The following CWC22 variants were observed in gnomAD, a reference collection of about 807,000 sequenced individuals.
CWC22 encodes the protein CWC22 spliceosome associated protein.
Under a neutral mutation model 117.2 loss-of-function variants are expected in CWC22, and 53 were observed. The ratio of observed to expected loss-of-function variants is 0.45; its 90% CI spans 0.36 to 0.57. The LOEUF is 0.57. Ranked by LOEUF, CWC22 falls within the 20% of genes least tolerant of loss-of-function variation. CWC22 has a pLI of 0.00. For synonymous variants in CWC22, 360 were observed against 355.6 expected (o/e 1.01, Z -0.14); for missense variants, 980 against 1,068.8 (o/e 0.92, Z 1.16).
chr2:179,996,500 C>T (rs934723565), intron 1 of CWC22, among the ~76,000 whole-genome samples: 22 of 152,018 alleles, frequency 1.4e-4, no homozygotes, highest in Non-Finnish European at 7.4e-5. Context: ...AAAAAAACAA[C>T]ATATTATATA....
At chr2:179,994,303 T>A (rs932625491) in intron 1 of CWC22, among the ~76,000 whole-genome samples, 1 of 149,986 alleles carries the variant, frequency 6.7e-6, no homozygotes, top group Non-Finnish European at 1.5e-5. Context: ...AATAACTGAA[T>A]ACAACTGGAA....
intron 5 of CWC22, among the ~76,000 whole-genome samples, chr2:179,978,535 C>T (rs1007492310): frequency 1.3e-5 from 2 of 151,948 alleles, no homozygotes; most frequent in Non-Finnish European, 2.9e-5. Context: ...CACCATTTTT[C>T]TTTAATAATA....
chr2:179,969,743 A>C (rs1686983465), intron 11 of CWC22, among the ~76,000 whole-genome samples: 2 of 152,226 alleles, frequency 1.3e-5, no homozygotes, highest in Non-Finnish European at 2.9e-5. Context: ...ATACTTCTCC[A>C]GTAAAATTAC....
chr2:179,986,909 C>A (rs773178880), intron 3 of CWC22, 104 bp from the exon 4 acceptor site: 4 of 557,104 alleles, frequency 7.2e-6, no homozygotes, highest in Non-Finnish European at 1.2e-5. Context: ...TATGACTGAA[C>A]AACATCGTGT....
intron 13 of CWC22, among the ~76,000 whole-genome samples, chr2:179,962,164 T>G (rs1686768422): frequency 6.6e-6 from 1 of 152,140 alleles, no homozygotes. Flanking sequence ...TAGTTTAATG[T>G]TTTATGCATA....
intron 3 of CWC22, among the ~76,000 whole-genome samples, 171 bp downstream of exon 3, chr2:179,988,406 T>C (rs1292015902): frequency 6.6e-6 from 1 of 152,228 alleles, no homozygotes; most frequent in East Asian, 1.9e-4. Context: ...TAGAAACTCC[T>C]AGAAGAGTCA....
chr2:179,994,858 A>G (rs780269225), intron 1 of CWC22, among the ~76,000 whole-genome samples: 2 of 152,082 alleles, frequency 1.3e-5, no homozygotes, highest in Non-Finnish European at 2.9e-5. Context: ...TATCTTTTTA[A>G]AGTTTATCAG....
intron 7 of CWC22, 93 bp downstream of exon 7, chr2:179,973,541 G>C: frequency 2.5e-6 from 2 of 796,324 alleles, no homozygotes; most frequent in South Asian, 3.8e-5. Flanking sequence ...ATGTTATGTA[G>C]CTGTGTCAAA....
At chr2:179,971,194 G>A (rs1489626113) in intron 8 of CWC22, 118 bp from the exon 9 acceptor site, 2 of 654,438 alleles carry the variant, frequency 3.1e-6, no homozygotes, top group Non-Finnish European at 4.7e-6. Context: ...ACATATGATG[G>A]GCAAAGTTTT....
At chr2:179,949,440 G>A (rs537227533) in intron 19 of CWC22, among the ~76,000 whole-genome samples, 1 of 152,294 alleles carries the variant, frequency 6.6e-6, no homozygotes, top group East Asian at 1.9e-4. Context: ...AACTTCTCTA[G>A]TTGAAATGCA....
intron 17 of CWC22, among the ~76,000 whole-genome samples, chr2:179,951,719 GA>G (rs1297554462): frequency 6.6e-6 from 1 of 152,024 alleles, no homozygotes; most frequent in Non-Finnish European, 1.5e-5. Flanking sequence ...AGTAGACAGG[GA>G]CCAAATAAGT....
At chr2:179,960,120 A>C (rs1039257692) in intron 13 of CWC22, among the ~76,000 whole-genome samples, 3 of 152,088 alleles carry the variant, frequency 2.0e-5, no homozygotes, top group Non-Finnish European at 4.4e-5. Context: ...TGGTCACTCA[A>C]ATATGACGGT....
chr2:179,992,786 T>C (rs1687600871), intron 2 of CWC22, among the ~76,000 whole-genome samples: 1 of 152,190 alleles, frequency 6.6e-6, no homozygotes, highest in African/African-American at 2.4e-5. Flanking sequence ...CAACCATCAC[T>C]AGAACTCAAT....
intron 2 of CWC22, among the ~76,000 whole-genome samples, chr2:179,990,381 T>A (rs191068127): frequency 6.6e-6 from 1 of 152,334 alleles, no homozygotes; most frequent in Admixed American, 6.5e-5. Flanking sequence ...GATCACTTAT[T>A]ATAAGACATA....
chr2:179,969,790 A>C (rs1489187391), intron 11 of CWC22, among the ~76,000 whole-genome samples: 1 of 152,220 alleles, frequency 6.6e-6, no homozygotes, highest in African/African-American at 2.4e-5. Context: ...TTATTATGTA[A>C]GTAGGCCTGA....
chr2:179,985,692 A>G (rs1025696189), intron 4 of CWC22, among the ~76,000 whole-genome samples: 9 of 152,116 alleles, frequency 5.9e-5, no homozygotes, highest in African/African-American at 2.2e-4. Flanking sequence ...ACCACATTCG[A>G]TAACTTTTAT....
chr2:180,006,189 C>T (rs187216034), intron 1 of CWC22, among the ~76,000 whole-genome samples: 2 of 152,262 alleles, frequency 1.3e-5, no homozygotes, highest in East Asian at 1.9e-4. Context: ...TCTAAAAATG[C>T]AAAGGAAACT....
In CWC22 at chr2:179,945,268, C is replaced by T. The variant is rs1461670084; in HGVS notation, c.2588G>A (p.Gly863Asp). 6.2e-7 allele frequency: 1 copy of T among 1,613,616 alleles called. No individual in the cohort carries two copies. Among genetic ancestry groups the T allele is most frequent in the African/African-American group, 1.3e-5 (1 of 74,888 alleles). The change falls in exon 20 of 20, where the codon GGC becomes GAC. Residue 863 changes from glycine to aspartate, a missense_variant. Physicochemically the swap from Gly to Asp is moderately conservative, Grantham distance 94 (BLOSUM62 -1). This residue lies in a region of CWC22 where 306 missense variants were observed against 296.8 expected (regional missense o/e 1.03). Coordinates refer to ENST00000410053, the MANE Select transcript of CWC22 (RefSeq NM_020943.3). ...ATATCTATCTTCATCACTTCTTGAG[C>T]CTGAGTGCTTTCTATTCATTTCCTT... is the stretch of plus-strand genomic sequence containing the variant. ...KSKEMNRKHSGSRSDEDRYQN... is the reference protein window; with the variant it reads ...KSKEMNRKHSDSRSDEDRYQN...
chr2:180,004,020 T>G (rs754028333), intron 1 of CWC22, among the ~76,000 whole-genome samples: 4 of 152,228 alleles, frequency 2.6e-5, no homozygotes, highest in Non-Finnish European at 4.4e-5. Flanking sequence ...GAAACTAGTA[T>G]GCTCTCTGGC....
Sources: allele counts gnomAD v4.1 joint callset (sites outside exome capture counted in the v4.1 genomes callset), GRCh38; gene constraint gnomAD v4.1.1; regional missense constraint gnomAD v4.1.1; transcripts MANE v1.5; gene names NCBI Gene and HGNC (gene_info 2026-07-23, HGNC 2026-07-21).